The following NGDN variants were observed in gnomAD, a reference collection of about 807,000 sequenced individuals.
NGDN encodes neuroguidin.
A neutral mutation model predicts 45.2 loss-of-function variants in NGDN; 41 were observed. The ratio of observed to expected loss-of-function variants is 0.91; its 90% CI spans 0.71 to 1.18. NGDN has a LOEUF of 1.18. NGDN is among the 50% of genes most tolerant of loss of function. NGDN has a pLI of 0.00. For synonymous variants in NGDN, 137 were observed against 130.9 expected (o/e 1.05, Z -0.32); for missense variants, 402 against 399.9 (o/e 1.01, Z -0.05).
intron 3 of NGDN, chr14:23,471,395 G>T (rs181770487): frequency 7.6e-4 from 122 of 161,136 alleles, no homozygotes; most frequent in African/African-American, 2.8e-3. Context: ...TATGTGTGTT[G>T]GGGGTAGGAA....
Position 23,476,091 on chromosome 14 carries a change from G to A in NGDN, c.483G>A (p.Lys161=), listed in dbSNP as rs986900428. Residue 161 remains lysine (K), a synonymous_variant, in exon 7 of 11, where the codon AAG becomes AAA. Transcript: ENST00000408901. ...AEDDQSEASG[K]KSVKGVSKKY... ...ATGACCAGTCTGAGGCTTCAGGGAAGAAATCTGTGAAGGGAGTGTCTAAGA... is the reference window on the plus strand; with the variant it reads ...ATGACCAGTCTGAGGCTTCAGGGAAAAAATCTGTGAAGGGAGTGTCTAAGA... The A allele has an allele frequency of 6.2e-7, 1 of 1,614,154 alleles. No individual in the cohort carries two copies. The highest frequency in any genetic ancestry group is 8.5e-7 in the Non-Finnish European group (1 of 1,179,988).
In NGDN at chr14:23,470,113, C is replaced by T. The variant is rs775812379; in HGVS notation, c.72+12C>T. Reference sequence around the variant, plus strand: ...ATCTCCAGGAGCAAGTGAGTAGTGTCGCCTCTGGAATAAATTAGTCACGGA... The same window carrying T: ...ATCTCCAGGAGCAAGTGAGTAGTGTTGCCTCTGGAATAAATTAGTCACGGA... On this transcript the variant is annotated intron_variant, in intron 2 of 10. Coordinates refer to ENST00000408901, the MANE Select transcript of NGDN (RefSeq NM_001042635.2). 4.3e-6 allele frequency: 7 copies of T among 1,612,358 alleles called. No homozygotes were observed. The highest frequency in any genetic ancestry group is 1.3e-5 in the African/African-American group (1 of 74,856).
intron 3 of NGDN, among the ~76,000 whole-genome samples, chr14:23,473,043 C>G (rs941829073): frequency 6.6e-6 from 1 of 152,030 alleles, no homozygotes; most frequent in Non-Finnish European, 1.5e-5. Flanking sequence ...TCTGTCGCCC[C>G]GGCTGGAGTG....
intron 6 of NGDN, 24 bp from the exon 7 acceptor site, chr14:23,476,005 T>A: frequency 6.2e-7 from 1 of 1,614,066 alleles, no homozygotes; most frequent in Non-Finnish European, 8.5e-7. Flanking sequence ...CTTCCTAAAT[T>A]TGCAGACATT....
intron 3 of NGDN, among the ~76,000 whole-genome samples, chr14:23,471,947 T>C (rs1365811526): frequency 6.6e-6 from 1 of 152,038 alleles, no homozygotes; most frequent in Admixed American, 6.5e-5. Flanking sequence ...TCCCAACACT[T>C]TGGGAGGCCA....
intron 1 of NGDN, 86 bp downstream of exon 1, chr14:23,469,813 G>T: frequency 1.3e-6 from 2 of 1,552,306 alleles, no homozygotes; most frequent in East Asian, 2.3e-5. Flanking sequence ...GTTGGTACCA[G>T]GGAAGGGTGG....
rs1412226764 is a variant in NGDN, at chr14:23,470,029, C to CT, written c.13-12dup. 3 of 1,613,708 alleles carry CT rather than the reference C, an allele frequency of 1.9e-6. No homozygotes were observed. The African/African-American group carries it at 4.0e-5, about 22-fold the overall frequency. Reference sequence around the variant, plus strand: ...AGAATGACTTTTCTTTACGCCTCCTCTCCCTTCTGTAGGGGGTGCTGGAGT... The same window carrying CT: ...AGAATGACTTTTCTTTACGCCTCCTCTTCCCTTCTGTAGGGGGTGCTGGAGT... On this transcript the variant is annotated splice_polypyrimidine_tract_variant and intron_variant, in intron 1 of 10. Transcript: ENST00000408901.
rs1450831668 is a variant in NGDN, at chr14:23,478,064, G to A, written c.*38G>A. 2 of 1,590,174 alleles carry A rather than the reference G, an allele frequency of 1.3e-6. No homozygotes were observed. The highest frequency in any genetic ancestry group is 1.7e-6 in the Non-Finnish European group (2 of 1,158,228). ...ATATTTGTATATTTTTTGTCATCCT[G>A]AGATACTTCTAATTTCATTGTATAT... On this transcript the variant is annotated 3_prime_UTR_variant, in exon 11 of 11. Coordinates refer to ENST00000408901, the MANE Select transcript of NGDN (RefSeq NM_001042635.2).
rs1279939982 is a variant in NGDN at position 23,475,125 on chromosome 14, T to C, written c.145-46T>C. 1.9e-6 allele frequency: 3 copies of C among 1,577,022 alleles called. No individual in the cohort carries two copies. The African/African-American group carries it at 4.1e-5, about 22-fold the overall frequency. The stretch of plus-strand genomic sequence containing the variant: ...TTACCCTAGGCTTTCATCTGGTTCT[T>C]TGGCTAAAACCAAATCTGTTTTTCT... On this transcript the variant is annotated intron_variant, in intron 3 of 10. Transcript: ENST00000408901.
intron 2 of NGDN, 88 bp downstream of exon 2, chr14:23,470,189 G>A: frequency 8.9e-7 from 1 of 1,129,438 alleles, no homozygotes; most frequent in Non-Finnish European, 1.3e-6. Context: ...ATTGAGATAC[G>A]TGAATGCTTC....
chr14:23,478,373 A>G (rs879294006), downstream of NGDN: 1 of 252,974 alleles, frequency 4.0e-6, no homozygotes, highest in Non-Finnish European at 7.6e-6. Flanking sequence ...GGTATAATCA[A>G]CTCTTTCAAC....
intron 7 of NGDN, 41 bp from the exon 8 acceptor site, chr14:23,476,198 T>C (rs1431364962): frequency 6.2e-7 from 1 of 1,613,970 alleles, no homozygotes. Flanking sequence ...TGTTTCTCTT[T>C]TCTCTGTTCT....
chr14:23,477,823 T>C (rs1893939685), intron 10 of NGDN, 184 bp from the exon 11 acceptor site: 3 of 1,470,340 alleles, frequency 2.0e-6, no homozygotes, highest in African/African-American at 1.4e-5. Context: ...AAGTGTCACT[T>C]GAAGGAACCA....
At chr14:23,471,020 C>A in intron 3 of NGDN, 43 bp downstream of exon 3, 1 of 1,271,172 alleles carries the variant, frequency 7.9e-7, no homozygotes, top group South Asian at 1.5e-5. Context: ...ACTTAATGTT[C>A]TCAGTAGTTC....
intron 3 of NGDN, among the ~76,000 whole-genome samples, chr14:23,472,789 A>G (rs1893812354): frequency 6.6e-6 from 1 of 152,232 alleles, no homozygotes; most frequent in East Asian, 1.9e-4. Flanking sequence ...TTACAGAAAG[A>G]TAACTAAAAA....
intron 3 of NGDN, among the ~76,000 whole-genome samples, chr14:23,473,299 T>G (rs2138722474): frequency 6.6e-6 from 1 of 152,214 alleles, no homozygotes; most frequent in South Asian, 2.1e-4. Context: ...ACACCAGGCC[T>G]TGGGTACCAT....
Position 23,475,731 on chromosome 14 carries a change from A to T in NGDN, c.373A>T (p.Asn125Tyr), listed in dbSNP as rs1478997681. The T allele has an allele frequency of 6.2e-7, 1 of 1,613,828 alleles. No individual in the cohort carries two copies. Among genetic ancestry groups the T allele is most frequent in the Admixed American group, 1.7e-5 (1 of 60,026 alleles). Residue 125 changes from asparagine to tyrosine, a missense_variant, in exon 6 of 11, where the codon AAT (asparagine) becomes TAT (tyrosine). Physicochemically the swap from Asn to Tyr is moderately radical, Grantham distance 143 (BLOSUM62 -2). Transcript: ENST00000408901. ...KTAVTGSLSE[N>Y]DPLRFKPHPS... ...CATTGGGTTATTTATTTCAGGTGAG[A>T]ATGACCCACTTCGTTTTAAGCCTCA...
intron 9 of NGDN, 64 bp downstream of exon 9, chr14:23,477,420 G>T (rs774307422): frequency 5.1e-5 from 82 of 1,611,982 alleles, no homozygotes; most frequent in Non-Finnish European, 5.9e-5. Flanking sequence ...TGTATGTGGG[G>T]CTTATTACCA....
rs540927380 is a variant in NGDN, at chr14:23,476,132, G to A, written c.524G>A (p.Arg175His). ...KGVSKKYVPP[R>H]LVPVHYDETE... ...GTGTCTAAGAAATATGTTCCTCCAC[G>A]CTTGGTTCCAGTACATTATGGTATA... The change falls in exon 7 of 11, where the codon CGC becomes CAC. Residue 175 changes from arginine to histidine, a missense_variant. Coordinates refer to ENST00000408901, the MANE Select transcript of NGDN (RefSeq NM_001042635.2). 5 of 1,614,142 alleles carry A rather than the reference G, an allele frequency of 3.1e-6. No homozygotes were observed. Among genetic ancestry groups the A allele is most frequent in the Non-Finnish European group, 3.4e-6 (4 of 1,180,000 alleles).
Sources: allele counts gnomAD v4.1 joint callset (sites outside exome capture counted in the v4.1 genomes callset), GRCh38; gene constraint gnomAD v4.1.1; transcripts MANE v1.5; gene names NCBI Gene and HGNC (gene_info 2026-07-23, HGNC 2026-07-21).